The following TRDMT1 variants were observed in gnomAD, a reference collection of about 807,000 sequenced individuals.
TRDMT1 encodes the protein tRNA (cytosine(38)-C(5))-methyltransferase.
A neutral mutation model predicts 51.2 loss-of-function variants in TRDMT1; 49 were observed. The ratio of observed to expected loss-of-function variants is 0.96; its 90% CI spans 0.76 to 1.21. The LOEUF is 1.21. TRDMT1 is among the 50% of genes most tolerant of loss of function. The pLI, the probability that TRDMT1 is intolerant of heterozygous loss-of-function variation, is 0.00. For synonymous variants in TRDMT1, 187 were observed against 164.6 expected, an observed-to-expected ratio of 1.14 and a Z score of -1.04; for missense variants, 534 against 462.3, an observed-to-expected ratio of 1.16 and a Z score of -1.42.
At chr10:17,182,284 T>G (rs564513440) in intron 1 of TRDMT1, among the ~76,000 whole-genome samples, 1 of 152,288 alleles carries the variant, frequency 6.6e-6, no homozygotes, top group Non-Finnish European at 1.5e-5. Context: ...TCTGGTGACA[T>G]GATTTGAGCC....
intron 1 of TRDMT1, among the ~76,000 whole-genome samples, chr10:17,185,247 T>A (rs2131578230): frequency 6.6e-6 from 1 of 152,312 alleles, no homozygotes; most frequent in South Asian, 2.1e-4. Context: ...AAGGACCAGG[T>A]GTGATTTAAA....
rs1838316863 is a variant in TRDMT1, at chr10:17,148,596, T to C, written c.*444A>G. 3.1e-6 allele frequency: 3 copies of C among 975,358 alleles called. No individual in the cohort carries two copies. The highest frequency in any genetic ancestry group is 2.4e-6 in the Non-Finnish European group (2 of 820,768). 60.4% of individuals were successfully genotyped at this position (975,358 alleles called of 1,614,324 possible). A position where few individuals can be genotyped will look rare whatever the true frequency, so the allele number is the denominator to read the frequency against. ...ATGAAATAAAGAAATATTTACAGGA[T>C]TGGAAATTAAGTAAAACATTCAATG... On this transcript the variant is annotated 3_prime_UTR_variant, in exon 11 of 11. Transcript: ENST00000377799.
chr10:17,148,138 A>G lies in TRDMT1; in HGVS notation c.*902T>C, dbSNP rs116816958. On this transcript the variant is annotated 3_prime_UTR_variant, in exon 11 of 11. Coordinates refer to ENST00000377799, the MANE Select transcript of TRDMT1 (RefSeq NM_004412.7). ...CTAATTCCAAGAGGTCTGCTGAGGA[A>G]GAGAGACAGAGAAAGTTAAAAGTCA... The G allele has an allele frequency of 7.7e-4, 755 of 985,434 alleles. 4 individuals carry two copies. The African/African-American group carries it at 0.01, about 13-fold the overall frequency. 61.0% of individuals were successfully genotyped at this position (985,434 alleles called of 1,614,324 possible). A position where few individuals can be genotyped will look rare whatever the true frequency, so the allele number is the denominator to read the frequency against.
chr10:17,144,988 C>T lies in TRDMT1; in HGVS notation c.*4052G>A. ...GGAGGCTGGGCGTGGTGGCTCATGCCTGTAAAACCCAGCACTTAGGGAAGC... is the reference window on the plus strand; with the variant it reads ...GGAGGCTGGGCGTGGTGGCTCATGCTTGTAAAACCCAGCACTTAGGGAAGC... On this transcript the variant is annotated 3_prime_UTR_variant, in exon 11 of 11. Transcript: ENST00000377799. 1.0e-6 allele frequency: 1 copy of T among 985,264 alleles called. No individual in the cohort carries two copies. 61.0% of individuals were successfully genotyped at this position (985,264 alleles called of 1,614,324 possible). A position where few individuals can be genotyped will look rare whatever the true frequency, so the allele number is the denominator to read the frequency against.
At chr10:17,174,691 A>C (rs770077804) in intron 1 of TRDMT1, 31 bp from the exon 2 acceptor site, 193 of 1,492,386 alleles carry the variant, frequency 1.3e-4, no homozygotes, top group Non-Finnish European at 1.8e-4. Context: ...TCTTGAAAAG[A>C]AAAGTCCTTA....
At position 17,159,286 on chromosome 10, in the gene TRDMT1, C is replaced by G. The variant is rs1554829692; in HGVS notation, c.460-57G>C. 16 of 1,268,852 alleles carry G rather than the reference C, an allele frequency of 1.3e-5. No homozygotes were observed. The South Asian group carries it at 2.0e-4, about 16-fold the overall frequency. 78.6% of individuals were successfully genotyped at this position (1,268,852 alleles called of 1,614,324 possible). A position where few individuals can be genotyped will look rare whatever the true frequency, so the allele number is the denominator to read the frequency against. ...AAAAAATTAAAGAGAGCGGTACCAA[C>G]TTTAGCACCAAGTTAAACAGCAACA... On this transcript the variant is annotated intron_variant, in intron 6 of 10. Transcript: ENST00000377799.
intron 8 of TRDMT1, 71 bp downstream of exon 8, chr10:17,157,370 A>T: frequency 1.5e-6 from 2 of 1,365,656 alleles, no homozygotes; most frequent in South Asian, 3.1e-5. Flanking sequence ...TTTTAGAAGA[A>T]CTTAAAGAAA....
chr10:17,187,471 T>C (rs1392678175), intron 1 of TRDMT1, among the ~76,000 whole-genome samples: 1 of 152,180 alleles, frequency 6.6e-6, no homozygotes, highest in East Asian at 1.9e-4. Context: ...GTTCATGTAC[T>C]ATAGCTTATT....
intron 10 of TRDMT1, among the ~76,000 whole-genome samples, chr10:17,152,602 G>T (rs998128527): frequency 2.0e-5 from 3 of 152,134 alleles, no homozygotes; most frequent in Non-Finnish European, 4.4e-5. Context: ...AGCATTCGAG[G>T]GACGTGAGTC....
At chr10:17,162,399 A>G (rs1840515682) in intron 3 of TRDMT1, among the ~76,000 whole-genome samples, 162 bp from the exon 4 acceptor site, 1 of 152,186 alleles carries the variant, frequency 6.6e-6, no homozygotes, top group Non-Finnish European at 1.5e-5. Context: ...AAGAAAATAC[A>G]TTTATTCATT....
rs1056860198 is a variant in TRDMT1, at chr10:17,148,221, T to G, written c.*819A>C. 9 of 984,370 alleles carry G rather than the reference T, an allele frequency of 9.1e-6. No homozygotes were observed. The highest frequency in any genetic ancestry group is 1.1e-5 in the Non-Finnish European group (9 of 829,528). 61.0% of individuals were successfully genotyped at this position (984,370 alleles called of 1,614,324 possible). ...TAAAGAACAACTGGGGGGAGGGGAG[T>G]ACTGTCATATGACATGGGATCAGAG... is the stretch of plus-strand genomic sequence containing the variant. On this transcript the variant is annotated 3_prime_UTR_variant, in exon 11 of 11. Coordinates refer to ENST00000377799, the MANE Select transcript of TRDMT1 (RefSeq NM_004412.7).
chr10:17,157,694 G>A lies in TRDMT1; in HGVS notation c.634C>T (p.Pro212Ser). 1.2e-6 allele frequency: 2 copies of A among 1,612,486 alleles called. No homozygotes were observed. The highest frequency in any genetic ancestry group is 1.1e-5 in the South Asian group (1 of 90,906). ...ENKIQEKNVE[P>S]NISFDGSIQC... ...ATGCTGCCATCAAAGCTAATATTTG[G>A]TTCAACGTTCTTTTCTTGAATTTTA... The change falls in exon 8 of 11, where the codon CCA (proline) becomes TCA (serine). Residue 212 changes from proline (P) to serine (S), a missense_variant. Transcript: ENST00000377799.
chr10:17,198,103 C>T (rs1845690205), intron 1 of TRDMT1, among the ~76,000 whole-genome samples: 1 of 151,342 alleles, frequency 6.6e-6, no homozygotes, highest in South Asian at 2.1e-4. Flanking sequence ...CAAATCAAAA[C>T]CACAATAGGA....
chr10:17,152,655 C>G (rs2131379772), intron 10 of TRDMT1, among the ~76,000 whole-genome samples: 1 of 152,288 alleles, frequency 6.6e-6, no homozygotes. Context: ...CATGCCCACC[C>G]CAGGCCTAAG....
intron 1 of TRDMT1, among the ~76,000 whole-genome samples, chr10:17,180,582 G>C (rs2131553522): frequency 6.7e-6 from 1 of 150,058 alleles, no homozygotes; most frequent in East Asian, 1.9e-4. Context: ...TCGGTACAGA[G>C]AAAACCTGAT....
chr10:17,180,533 C>G (rs1588630801), intron 1 of TRDMT1, among the ~76,000 whole-genome samples: 2 of 85,048 alleles, frequency 2.4e-5, no homozygotes, highest in South Asian at 1.1e-3. Context: ...GAGCGGAACT[C>G]TGTCTCAAAA....
intron 1 of TRDMT1, among the ~76,000 whole-genome samples, chr10:17,195,457 G>C (rs1845278250): frequency 6.6e-6 from 1 of 152,194 alleles, no homozygotes; most frequent in Non-Finnish European, 1.5e-5. Context: ...CTACTAGAGA[G>C]AGAAGGGGGG....
intron 1 of TRDMT1, among the ~76,000 whole-genome samples, chr10:17,178,271 T>C (rs1242089809): frequency 6.6e-6 from 1 of 152,164 alleles, no homozygotes; most frequent in Non-Finnish European, 1.5e-5. Flanking sequence ...GCTGGCTTAG[T>C]TAGGAATAAA....
chr10:17,150,656 T>C, intron 10 of TRDMT1: 1 of 985,056 alleles, frequency 1.0e-6, no homozygotes, highest in Non-Finnish European at 1.2e-6. Flanking sequence ...TTAGGAGCAT[T>C]AAGAATAGCA....
Sources: allele counts gnomAD v4.1 joint callset (sites outside exome capture counted in the v4.1 genomes callset), GRCh38; gene constraint gnomAD v4.1.1; transcripts MANE v1.5; gene names NCBI Gene and HGNC (gene_info 2026-07-23, HGNC 2026-07-21).